SLC13A3: variants seen among roughly 807,000 people sequenced by gnomAD.
The protein encoded by SLC13A3 is Na(+)/dicarboxylate cotransporter 3.
In SLC13A3, 40 loss-of-function variants were observed where a neutral mutation model predicts 59.0. The ratio of observed to expected loss-of-function variants is 0.68; its 90% confidence interval spans 0.53 to 0.88. SLC13A3 has a LOEUF of 0.88. Ranked by LOEUF, SLC13A3 falls within the 40% of genes least tolerant of loss-of-function variation. The pLI is 0.00. For synonymous variants in SLC13A3, 317 were observed against 330.3 expected (o/e 0.96, Z 0.44); for missense variants, 699 against 783.2 (o/e 0.89, Z 1.28).
chr20:46,602,547 C>T (rs1179943580), intron 3 of SLC13A3, among the ~76,000 whole-genome samples: 1 of 152,058 alleles, frequency 6.6e-6, no homozygotes, highest in African/African-American at 2.4e-5. Flanking sequence ...CAAATCCTAG[C>T]TCCATCACTT....
intron 1 of SLC13A3, among the ~76,000 whole-genome samples, chr20:46,637,279 A>G (rs1369652030): frequency 8.3e-6 from 1 of 120,704 alleles, no homozygotes; most frequent in Non-Finnish European, 1.8e-5. Context: ...CCTTTTGACA[A>G]TGCGCCTCCA....
chr20:46,671,950 G>A (rs2063095029), upstream of SLC13A3, among the ~76,000 whole-genome samples: 1 of 152,178 alleles, frequency 6.6e-6, no homozygotes, highest in Admixed American at 6.5e-5. Flanking sequence ...CTAGCTAGAG[G>A]GGCTTTTTCA....
At chr20:46,653,313 C>G (rs1441011334), upstream of SLC13A3, among the ~76,000 whole-genome samples, 1 of 152,110 alleles carries the variant, frequency 6.6e-6, no homozygotes, top group East Asian at 1.9e-4. Context: ...CTCTGCATAG[C>G]CTTAGACCCC....
intron 3 of SLC13A3, among the ~76,000 whole-genome samples, chr20:46,603,014 A>G (rs2062395690): frequency 6.6e-6 from 1 of 152,090 alleles, no homozygotes; most frequent in East Asian, 1.9e-4. Context: ...CCCCGTCTCC[A>G]CTAAAAATAC....
At chr20:46,611,792 C>T (rs942837008) in intron 2 of SLC13A3, among the ~76,000 whole-genome samples, 1 of 152,066 alleles carries the variant, frequency 6.6e-6, no homozygotes, top group Non-Finnish European at 1.5e-5. Context: ...TAAGACGAAT[C>T]TTTAAAAAAT....
intron 1 of SLC13A3, among the ~76,000 whole-genome samples, chr20:46,639,777 T>C (rs1250610177): frequency 1.3e-5 from 2 of 152,192 alleles, no homozygotes; most frequent in East Asian, 3.9e-4. Context: ...CCCCACTATT[T>C]TGTCAATGGC....
upstream of SLC13A3, among the ~76,000 whole-genome samples, chr20:46,655,272 T>C (rs1271799175): frequency 2.2e-5 from 3 of 134,694 alleles, no homozygotes; most frequent in Non-Finnish European, 4.7e-5. Flanking sequence ...CACATATGTA[T>C]ACACATATAT....
At chr20:46,628,440 A>T (rs1434759181) in intron 1 of SLC13A3, among the ~76,000 whole-genome samples, 1 of 152,108 alleles carries the variant, frequency 6.6e-6, no homozygotes, top group East Asian at 1.9e-4. Context: ...CTCAGCTAAA[A>T]TCTCTAGGGT....
intron 1 of SLC13A3, among the ~76,000 whole-genome samples, chr20:46,625,569 T>C (rs1476445691): frequency 1.3e-5 from 2 of 152,206 alleles, no homozygotes; most frequent in Non-Finnish European, 2.9e-5. Flanking sequence ...CCAACCAAGA[T>C]ATAGGACATT....
At chr20:46,616,332 A>C (rs537781478) in intron 1 of SLC13A3, among the ~76,000 whole-genome samples, 41 of 152,350 alleles carry the variant, frequency 2.7e-4, no homozygotes, top group Admixed American at 1.8e-3. Flanking sequence ...GAGAAGTGAG[A>C]AAAAGAGCTG....
chr20:46,673,283 T>C (rs2063103306), upstream of SLC13A3, among the ~76,000 whole-genome samples: 1 of 152,174 alleles, frequency 6.6e-6, no homozygotes, highest in Non-Finnish European at 1.5e-5. Flanking sequence ...TAACACGCTA[T>C]GTGAGGTATG....
intron 7 of SLC13A3, 66 bp downstream of exon 7, chr20:46,589,094 C>T: frequency 7.0e-7 from 1 of 1,427,920 alleles, no homozygotes. Context: ...CAAGGCCAGG[C>T]CAGGAGGAAG....
chr20:46,583,643 A>G lies in SLC13A3; in HGVS notation c.1148T>C (p.Val383Ala). Residue 383 changes from valine to alanine, a missense_variant, in exon 9 of 13, where the codon GTG (valine) becomes GCG (alanine). By Grantham distance (64) the Val-to-Ala change is moderately conservative. Transcript: ENST00000279027. ...PGFLSDAVTG[V>A]AIVTILFFFP... ...GAAGAACAAGATGGTGACAATAGCC[A>G]CGCCGGTGACAGCATCAGAAAGAAA... The G allele has an allele frequency of 6.2e-7, 1 of 1,614,162 alleles. No individual in the cohort carries two copies.
intron 1 of SLC13A3, among the ~76,000 whole-genome samples, chr20:46,637,015 G>A (rs546124347): frequency 6.6e-6 from 1 of 152,174 alleles, no homozygotes; most frequent in Non-Finnish European, 1.5e-5. Context: ...TGACCAGGTT[G>A]GTCTCGATCT....
chr20:46,559,953 G>A lies in SLC13A3; in HGVS notation c.*69C>T, dbSNP rs142327597. ...AAGAATTATTTGATTGTTTTGTAGTGTCCTAGCAGCAGGTGATGGTGACAG... is the reference window on the plus strand; with the variant it reads ...AAGAATTATTTGATTGTTTTGTAGTATCCTAGCAGCAGGTGATGGTGACAG... On this transcript the variant is annotated 3_prime_UTR_variant, in exon 13 of 13. Transcript: ENST00000279027. 415 of 1,451,642 alleles carry A rather than the reference G, an allele frequency of 2.9e-4. 7 individuals are homozygous for A. In the East Asian group the frequency reaches 9.0e-3, roughly 31 times the overall value. The allele number at this position is 1,451,642 out of a possible 1,614,324, so 89.9% of individuals were successfully genotyped here.
intron 11 of SLC13A3, among the ~76,000 whole-genome samples, chr20:46,565,615 A>C (rs2061973273): frequency 6.6e-6 from 1 of 151,980 alleles, no homozygotes; most frequent in Non-Finnish European, 1.5e-5. Context: ...TGAGTGGCAG[A>C]GCCCGGCCTG....
chr20:46,677,918 G>A (rs1172687602), intron 1 of SLC13A3, among the ~76,000 whole-genome samples: 2 of 152,204 alleles, frequency 1.3e-5, no homozygotes, highest in Non-Finnish European at 2.9e-5. Flanking sequence ...TTCCAGAGAA[G>A]CCAGATGTCT....
chr20:46,679,107 C>T (rs946148835), intron 1 of SLC13A3, among the ~76,000 whole-genome samples: 7 of 152,180 alleles, frequency 4.6e-5, no homozygotes, highest in Non-Finnish European at 8.8e-5. Flanking sequence ...AGCCTCTTTT[C>T]CCTATAAATT....
At chr20:46,575,304 C>T (rs1441779071) in intron 10 of SLC13A3, among the ~76,000 whole-genome samples, 1 of 152,160 alleles carries the variant, frequency 6.6e-6, no homozygotes, top group Admixed American at 6.5e-5. Context: ...ACAGAGCCCT[C>T]GAGTCCTAGT....
Sources: gnomAD v4.1 joint callset for allele counts (sites outside exome capture counted in the v4.1 genomes callset) on GRCh38, gnomAD v4.1.1 for gene constraint, MANE v1.5 for transcripts, NCBI Gene and HGNC (gene_info 2026-07-23, HGNC 2026-07-21) for gene names.